The following PLEKHD1 variants were observed in gnomAD, a reference collection of about 807,000 sequenced individuals.
The protein encoded by PLEKHD1 is pleckstrin homology domain-containing family D member 1.
A neutral mutation model predicts 69.2 loss-of-function variants in PLEKHD1; 51 were observed. That is an observed-to-expected ratio of 0.74 (90% confidence interval 0.59 to 0.93). The LOEUF (loss-of-function observed/expected upper bound fraction) is 0.93, where lower values mean the gene tolerates loss of function less well. Among genes scored for constraint, PLEKHD1 ranks in the 40% least tolerant of loss-of-function variants. The pLI, the probability that PLEKHD1 is intolerant of heterozygous loss-of-function variation, is 0.00. For missense variants in PLEKHD1, 584 were observed against 641.0 expected (o/e 0.91, Z 0.96); for synonymous variants, 236 against 244.7 (o/e 0.96, Z 0.33).
the PLEKHD1 span, among the ~76,000 whole-genome samples, chr14:69,473,577 A>G: frequency 2.2e-4 from 34 of 152,344 alleles, no homozygotes; most frequent in Middle Eastern, 0.014. Flanking sequence ...TAGGAATCAG[A>G]AAACCCGGAT....
chr14:69,486,108 G>A (rs563519304), intron 1 of PLEKHD1, among the ~76,000 whole-genome samples: 3 of 152,236 alleles, frequency 2.0e-5, no homozygotes, highest in East Asian at 3.9e-4. Flanking sequence ...CAGCCCTTCC[G>A]CGGAGGTGTG....
intron 2 of PLEKHD1, 98 bp downstream of exon 2, chr14:69,500,306 C>A: frequency 9.5e-7 from 1 of 1,054,852 alleles, no homozygotes; most frequent in Non-Finnish European, 1.4e-6. Flanking sequence ...CTTGCTCTGG[C>A]CTAGCAGAGA....
At chr14:69,524,193 G>A in intron 7 of PLEKHD1, 36 bp from the exon 8 acceptor site, 1 of 1,479,592 alleles carries the variant, frequency 6.8e-7, no homozygotes, top group Non-Finnish European at 9.2e-7. Context: ...GGTGGGGAGA[G>A]TGGGCACTGC....
chr14:69,496,133 G>T (rs1449362251), intron 1 of PLEKHD1, among the ~76,000 whole-genome samples: 1 of 152,176 alleles, frequency 6.6e-6, no homozygotes, highest in African/African-American at 2.4e-5. Context: ...GTAAGGCTGG[G>T]AGTTTGCCTG....
chr14:69,512,174 T>C (rs1883285504), intron 6 of PLEKHD1, among the ~76,000 whole-genome samples: 1 of 152,242 alleles, frequency 6.6e-6, no homozygotes, highest in Non-Finnish European at 1.5e-5. Flanking sequence ...ATCAAATTTA[T>C]TGGCATAGAG....
chr14:69,525,768 C>G (rs1242585283), intron 8 of PLEKHD1, among the ~76,000 whole-genome samples, 176 bp from the exon 9 acceptor site: 1 of 152,134 alleles, frequency 6.6e-6, no homozygotes, highest in Non-Finnish European at 1.5e-5. Context: ...AGTAACCTTG[C>G]CCTGTTGTGG....
chr14:69,476,015 T>TG, the PLEKHD1 span, among the ~76,000 whole-genome samples: 2 of 152,040 alleles, frequency 1.3e-5, no homozygotes, highest in African/African-American at 4.8e-5. Flanking sequence ...CCCAGCGTTT[T>TG]GGGGAGCCGA....
the PLEKHD1 span, among the ~76,000 whole-genome samples, chr14:69,472,418 G>A: frequency 2.4e-4 from 36 of 152,104 alleles, no homozygotes; most frequent in Non-Finnish European, 5.0e-4. Flanking sequence ...TACCGGGACC[G>A]CGTGAGTTAA....
chr14:69,476,352 C>T, the PLEKHD1 span, among the ~76,000 whole-genome samples: 1 of 149,128 alleles, frequency 6.7e-6, no homozygotes, highest in African/African-American at 2.5e-5. Context: ...CCCAGTAGTT[C>T]AACGCTAGCA....
chr14:69,485,134 C>G lies in PLEKHD1; in HGVS notation c.149+20C>G. 1 of 1,543,778 alleles carries G rather than the reference C, an allele frequency of 6.5e-7. No individual in the cohort carries two copies. Among genetic ancestry groups the G allele is most frequent in the Non-Finnish European group, 8.7e-7 (1 of 1,142,916 alleles). On this transcript the variant is annotated intron_variant, in intron 1 of 12. Transcript: ENST00000322564. ...CCGGCGGTGAGTGCGCCCCCGCGCC[C>G]CAAGGAGACCGCCGGGGAGAGAGCC...
upstream of PLEKHD1, among the ~76,000 whole-genome samples, chr14:69,483,506 A>G (rs1226251549): frequency 6.6e-6 from 1 of 152,142 alleles, no homozygotes; most frequent in African/African-American, 2.4e-5. Context: ...GGGCATGAAG[A>G]AACTTTCTGC....
chr14:69,501,627 G>A (rs1262673806), intron 4 of PLEKHD1, 107 bp from the exon 5 acceptor site: 2 of 791,972 alleles, frequency 2.5e-6, no homozygotes, highest in Admixed American at 2.9e-5. Flanking sequence ...GAGAAAGGGT[G>A]GGCGAGTACA....
At chr14:69,484,352 C>T (rs950311145), upstream of PLEKHD1, among the ~76,000 whole-genome samples, 1 of 152,370 alleles carries the variant, frequency 6.6e-6, no homozygotes, top group East Asian at 1.9e-4. Context: ...CCGTCCTCTC[C>T]TCCACCCCGA....
intron 6 of PLEKHD1, among the ~76,000 whole-genome samples, chr14:69,518,022 ATTTATTTATTTGTTTG>A (rs758874469): frequency 2.4e-5 from 3 of 124,810 alleles, no homozygotes; most frequent in African/African-American, 8.2e-5. Flanking sequence ...TTATTTATTT[ATTTATTTATTTGTTTG>A]TTTGTTTGTT....
rs189209069 is a variant in PLEKHD1 at position 69,489,646 on chromosome 14, C to A, written c.149+4532C>A. ...GCTCCAAGTTCCAGCCCCAGCTCTGCCAGTAACCAGCTGCATGATCCAGGC... is the reference window on the plus strand; with the variant it reads ...GCTCCAAGTTCCAGCCCCAGCTCTGACAGTAACCAGCTGCATGATCCAGGC... On this transcript the variant is annotated intron_variant, in intron 1 of 12. Transcript: ENST00000322564. Among the ~76,000 whole-genome samples, 671 of 151,656 alleles carry A rather than the reference C, an allele frequency of 4.4e-3. 2 individuals are homozygous for A. The highest frequency in any genetic ancestry group is 7.5e-3 in the Non-Finnish European group (511 of 67,928).
chr14:69,491,095 T>G (rs1882768402), intron 1 of PLEKHD1, among the ~76,000 whole-genome samples: 1 of 152,232 alleles, frequency 6.6e-6, no homozygotes, highest in Non-Finnish European at 1.5e-5. Context: ...CCAAGGTTTC[T>G]GTTAATCTCT....
intron 1 of PLEKHD1, 61 bp downstream of exon 1, chr14:69,485,175 C>T: frequency 6.7e-7 from 1 of 1,497,822 alleles, no homozygotes; most frequent in Admixed American, 2.1e-5. Context: ...GTCGTTACCC[C>T]TCCCACCCCC....
At chr14:69,519,854 C>T (rs1883469707) in intron 6 of PLEKHD1, among the ~76,000 whole-genome samples, 1 of 152,068 alleles carries the variant, frequency 6.6e-6, no homozygotes, top group Admixed American at 6.5e-5. Flanking sequence ...CGGCAGAGGC[C>T]CCAGACCTGT....
chr14:69,473,776 G>T, the PLEKHD1 span, among the ~76,000 whole-genome samples: 1 of 152,176 alleles, frequency 6.6e-6, no homozygotes, highest in Admixed American at 6.5e-5. Context: ...GGGGAGATTG[G>T]GGTCTTCGAG....
Sources: allele counts gnomAD v4.1 joint callset (sites outside exome capture counted in the v4.1 genomes callset), GRCh38; gene constraint gnomAD v4.1.1; transcripts MANE v1.5; gene names NCBI Gene and HGNC (gene_info 2026-07-23, HGNC 2026-07-21).